The following ADAMTSL1 variants were observed in gnomAD, a reference collection of about 807,000 sequenced individuals.
ADAMTSL1 encodes the protein ADAMTS like 1, also known as ADAMTS-like protein 1.
A neutral mutation model predicts 201.8 loss-of-function variants in ADAMTSL1; 126 were observed. The ratio of observed to expected loss-of-function variants is 0.62; its 90% CI spans 0.54 to 0.72. The LOEUF is 0.72. Ranked by LOEUF, ADAMTSL1 falls within the 30% of genes least tolerant of loss-of-function variation. The pLI is 0.00. For missense variants in ADAMTSL1, 2,679 were observed against 2,277.8 expected, an observed-to-expected ratio of 1.18 and a Z score of -3.59; for synonymous variants, 1,121 against 903.4, an observed-to-expected ratio of 1.24 and a Z score of -4.32.
chr9:18,741,588 TAACA>T (rs1413402193), intron 15 of ADAMTSL1, among the ~76,000 whole-genome samples: 2 of 152,194 alleles, frequency 1.3e-5, no homozygotes, highest in African/African-American at 4.8e-5. Flanking sequence ...GGGGCTTCCA[TAACA>T]AACAAACTGG....
At chr9:18,085,990 G>A (rs764451509) in intron 1 of ADAMTSL1, among the ~76,000 whole-genome samples, 6 of 152,020 alleles carry the variant, frequency 3.9e-5, no homozygotes, top group Non-Finnish European at 8.8e-5. Context: ...AAGTCAAATC[G>A]ATGAGCACAG....
At chr9:18,035,258 T>A (rs1428031927) in intron 1 of ADAMTSL1, among the ~76,000 whole-genome samples, 6 of 152,198 alleles carry the variant, frequency 3.9e-5, no homozygotes, top group Admixed American at 2.6e-4. Context: ...AATAGAGGAA[T>A]GCCTGTTAGG....
intron 2 of ADAMTSL1, among the ~76,000 whole-genome samples, chr9:18,304,340 GA>G (rs149548573): frequency 0.1 from 15,492 of 148,002 alleles, 1,371 homozygotes; most frequent in African/African-American, 0.25. Flanking sequence ...ATAGAGTTTT[GA>G]AAAAAAAAAT....
chr9:18,114,611 T>A (rs1447261298), intron 1 of ADAMTSL1, among the ~76,000 whole-genome samples: 4 of 152,132 alleles, frequency 2.6e-5, no homozygotes, highest in Non-Finnish European at 5.9e-5. Flanking sequence ...TTCCTTTTGG[T>A]ATTGCTCATA....
At chr9:18,359,724 G>A (rs969247590) in intron 2 of ADAMTSL1, among the ~76,000 whole-genome samples, 1 of 151,482 alleles carries the variant, frequency 6.6e-6, no homozygotes, top group South Asian at 2.1e-4. Context: ...TATACAGCCT[G>A]ATTCATATTA....
At chr9:18,235,942 AG>A (rs1424008052) in intron 2 of ADAMTSL1, among the ~76,000 whole-genome samples, 2 of 152,228 alleles carry the variant, frequency 1.3e-5, no homozygotes, top group Non-Finnish European at 2.9e-5. Flanking sequence ...CTAGACACTA[AG>A]AAAAAGTAAA....
intron 1 of ADAMTSL1, among the ~76,000 whole-genome samples, chr9:18,134,759 C>G (rs1262405603): frequency 6.6e-6 from 1 of 152,102 alleles, no homozygotes. Flanking sequence ...ACCCAAGCAT[C>G]TGAAATGATA....
chr9:18,585,377 A>G (rs1823415590), intron 4 of ADAMTSL1, among the ~76,000 whole-genome samples: 1 of 152,206 alleles, frequency 6.6e-6, no homozygotes. Context: ...GGCAGAGCAA[A>G]TCTAAAATAG....
At chr9:17,923,085 G>A (rs956575640) in intron 1 of ADAMTSL1, among the ~76,000 whole-genome samples, 2 of 152,174 alleles carry the variant, frequency 1.3e-5, no homozygotes, top group Non-Finnish European at 2.9e-5. Flanking sequence ...GATTCCTCCA[G>A]CTTTGTTCTT....
chr9:18,426,657 G>C (rs1475795709), intron 2 of ADAMTSL1, among the ~76,000 whole-genome samples: 1 of 152,142 alleles, frequency 6.6e-6, no homozygotes, highest in Non-Finnish European at 1.5e-5. Flanking sequence ...CAGATTTAGT[G>C]TAGGGACATA....
At chr9:18,243,703 T>C (rs1249065496) in intron 2 of ADAMTSL1, among the ~76,000 whole-genome samples, 1 of 152,132 alleles carries the variant, frequency 6.6e-6, no homozygotes, top group Non-Finnish European at 1.5e-5. Flanking sequence ...GACATCTTGG[T>C]AAACATTTTT....
At chr9:18,243,478 A>G (rs1003919497) in intron 2 of ADAMTSL1, among the ~76,000 whole-genome samples, 2 of 152,012 alleles carry the variant, frequency 1.3e-5, no homozygotes, top group African/African-American at 4.8e-5. Flanking sequence ...CTCTCCTCAC[A>G]CTGACCTTTG....
intron 1 of ADAMTSL1, among the ~76,000 whole-genome samples, chr9:17,951,271 T>C (rs1465426410): frequency 6.6e-6 from 1 of 152,198 alleles, no homozygotes; most frequent in Non-Finnish European, 1.5e-5. Context: ...TGTGCTGCTG[T>C]AGACAATGCT....
At chr9:18,163,193 C>CT (rs1335009420) in intron 1 of ADAMTSL1, among the ~76,000 whole-genome samples, 8 of 151,988 alleles carry the variant, frequency 5.3e-5, no homozygotes, top group Non-Finnish European at 1.2e-4. Flanking sequence ...GATTTCAACA[C>CT]TTACTGACTT....
chr9:18,834,114 G>A (rs1371141794), intron 23 of ADAMTSL1, among the ~76,000 whole-genome samples: 1 of 152,114 alleles, frequency 6.6e-6, no homozygotes, highest in Non-Finnish European at 1.5e-5. Context: ...TTGAAGTTGG[G>A]TAGCGTGATG....
chr9:18,166,733 C>T (rs139522668), intron 2 of ADAMTSL1, among the ~76,000 whole-genome samples: 1 of 151,836 alleles, frequency 6.6e-6, no homozygotes, highest in Non-Finnish European at 1.5e-5. Flanking sequence ...TCTCTCACAC[C>T]CTTTCTTTAC....
At chr9:18,004,125 A>G (rs886210115) in intron 1 of ADAMTSL1, among the ~76,000 whole-genome samples, 1 of 152,042 alleles carries the variant, frequency 6.6e-6, no homozygotes, top group Non-Finnish European at 1.5e-5. Flanking sequence ...AAGGAAAGCA[A>G]TTTTCATTCA....
chr9:18,681,911 C>A lies in ADAMTSL1; in HGVS notation c.1441C>A (p.His481Asn), dbSNP rs758154637. 6 of 1,614,072 alleles carry A rather than the reference C, an allele frequency of 3.7e-6. No homozygotes were observed. The highest frequency in any genetic ancestry group is 5.1e-6 in the Non-Finnish European group (6 of 1,180,004). The stretch of plus-strand genomic sequence containing the variant: ...AGGCTGTAGCCCAAAAACAAAGCCC[C>A]ACATAAAAGAGGAATGCATCGTACC... ...TGGCSPKTKP[H>N]IKEECIVPTP... Residue 481 changes from histidine to asparagine, a missense_variant, in exon 12 of 29, where the codon CAC becomes AAC. Transcript: ENST00000380548.
At chr9:18,457,630 G>C (rs562781057) in intron 2 of ADAMTSL1, among the ~76,000 whole-genome samples, 3 of 152,140 alleles carry the variant, frequency 2.0e-5, no homozygotes, top group Non-Finnish European at 2.9e-5. Flanking sequence ...CTCTGCACCC[G>C]ACCAGAAGAA....
Sources: gnomAD v4.1 joint callset for allele counts (sites outside exome capture counted in the v4.1 genomes callset) on GRCh38, gnomAD v4.1.1 for gene constraint, MANE v1.5 for transcripts, NCBI Gene and HGNC (gene_info 2026-07-23, HGNC 2026-07-21) for gene names.